The following RNASEH1 variants were observed in gnomAD, a reference collection of about 807,000 sequenced individuals.
RNASEH1 encodes the protein ribonuclease H1, also known as ribonuclease H type II.
Under a neutral mutation model 34.6 loss-of-function variants are expected in RNASEH1, and 27 were observed. The ratio of observed to expected loss-of-function variants is 0.78; its 90% CI spans 0.58 to 1.08. The LOEUF is 1.08. Among genes scored for constraint, RNASEH1 ranks in the 50% least tolerant of loss-of-function variants. RNASEH1 has a pLI of 0.00. For missense variants in RNASEH1, 349 were observed against 373.6 expected (o/e 0.93, Z 0.54); for synonymous variants, 162 against 138.4 (o/e 1.17, Z -1.20).
chr2:3,552,449 A>T (rs1660043168), intron 2 of RNASEH1, 141 bp from the exon 3 acceptor site: 1 of 761,578 alleles, frequency 1.3e-6, no homozygotes. Flanking sequence ...ACAACGAGGG[A>T]AACGAGGGAA....
chr2:3,548,694 T>C lies in RNASEH1; in HGVS notation c.595A>G (p.Thr199Ala). 2 of 1,613,286 alleles carry C rather than the reference T, an allele frequency of 1.2e-6. No homozygotes were observed. The highest frequency in any genetic ancestry group is 1.7e-6 in the Non-Finnish European group (2 of 1,179,284). Reference protein sequence around the residue: ...AACKAIEQAKTQNINKLVLYT... With the variant: ...AACKAIEQAKAQNINKLVLYT... The stretch of plus-strand genomic sequence containing the variant: ...AGAACCAGTTTATTGATGTTTTGAG[T>C]CTTTGCTTGTTCAATGGCTTTGCAG... The change falls in exon 6 of 8, where the codon ACT (threonine) becomes GCT (alanine). Residue 199 changes from threonine (T) to alanine (A), a missense_variant. Physicochemically the swap from Thr to Ala is moderately conservative, Grantham distance 58. Coordinates refer to ENST00000315212, the MANE Select transcript of RNASEH1 (RefSeq NM_002936.6).
intron 2 of RNASEH1, among the ~76,000 whole-genome samples, chr2:3,555,504 C>T (rs914294109): frequency 2.0e-5 from 3 of 152,188 alleles, no homozygotes; most frequent in African/African-American, 7.2e-5. Context: ...ACTAACTCTT[C>T]AGGGATCCAT....
chr2:3,547,070 A>G (rs146934544), intron 7 of RNASEH1, among the ~76,000 whole-genome samples: 2,537 of 152,316 alleles, frequency 0.017, 42 homozygotes, highest in South Asian at 0.06. Context: ...TTGCAATGAG[A>G]TCACGCCATA....
intron 1 of RNASEH1, among the ~76,000 whole-genome samples, chr2:3,557,207 CTATTT>C (rs1439626331): frequency 6.6e-6 from 1 of 152,072 alleles, no homozygotes; most frequent in Non-Finnish European, 1.5e-5. Flanking sequence ...AAACTGTATT[CTATTT>C]TAATTTTTTC....
At chr2:3,532,273 T>C in the RNASEH1 span, 3 of 702,150 alleles carry the variant, frequency 4.3e-6, no homozygotes, top group Non-Finnish European at 7.8e-6. Context: ...CTCCTCCCGT[T>C]TGACAAAGAA....
rs1038682429 is a variant in RNASEH1 at position 3,541,960 on chromosome 2, C to T, written c.*3825G>A. Among the ~76,000 whole-genome samples the T allele has an allele frequency of 7.9e-5, 12 of 152,140 alleles. No individual in the cohort carries two copies. The highest frequency in any genetic ancestry group is 2.0e-4 in the Admixed American group (3 of 15,268). On this transcript the variant is annotated 3_prime_UTR_variant, in exon 8 of 8. Coordinates refer to ENST00000315212, the MANE Select transcript of RNASEH1 (RefSeq NM_002936.6). ...TTGAGGCCAGGAGTTTAAGACCAGC[C>T]TGGGCAACACAGTGAGACACTGTTC...
chr2:3,552,462 A>T (rs1289575382), intron 2 of RNASEH1, among the ~76,000 whole-genome samples, 154 bp from the exon 3 acceptor site: 1 of 146,234 alleles, frequency 6.8e-6, no homozygotes, highest in East Asian at 2.1e-4. Flanking sequence ...CGAGGGAATG[A>T]CCCCCTCCAC....
chr2:3,557,447 A>C (rs913614198), intron 1 of RNASEH1, among the ~76,000 whole-genome samples: 7 of 152,344 alleles, frequency 4.6e-5, no homozygotes, highest in East Asian at 1.9e-4. Context: ...AAAAATATTA[A>C]CCATTTCTTT....
chr2:3,535,415 A>C, the RNASEH1 span, among the ~76,000 whole-genome samples: 1 of 145,562 alleles, frequency 6.9e-6, no homozygotes, highest in South Asian at 2.2e-4. Flanking sequence ...TGACAGAGTG[A>C]GACTATCCTG....
At position 3,545,121 on chromosome 2, in the gene RNASEH1, CG is replaced by C. The variant is rs1293999414; in HGVS notation, c.*663del. 6.8e-6 allele frequency: 1 copy of C among 148,014 alleles called. No individual in the cohort carries two copies. Among genetic ancestry groups the C allele is most frequent in the Non-Finnish European group, 1.5e-5 (1 of 67,368 alleles). 9.2% of individuals were successfully genotyped at this position (148,014 alleles called of 1,614,324 possible). On this transcript the variant is annotated 3_prime_UTR_variant, in exon 8 of 8. Transcript: ENST00000315212. ...TTTTTTTAATTTGCACAGTTTTTAACGAAAGAGCCAAATAAATTTTTGAAAG... is the reference window on the plus strand; with the variant it reads ...TTTTTTTAATTTGCACAGTTTTTAACAAAGAGCCAAATAAATTTTTGAAAG...
chr2:3,542,730 T>C lies in RNASEH1; in HGVS notation c.*3055A>G, dbSNP rs567238359. On this transcript the variant is annotated 3_prime_UTR_variant, in exon 8 of 8. Coordinates refer to ENST00000315212, the MANE Select transcript of RNASEH1 (RefSeq NM_002936.6). ...TTAAGGGATGGATATTCCATGCCAT[T>C]GTCCTGTGTCTTGAGAAGCAGGATT... Among the ~76,000 whole-genome samples the C allele has an allele frequency of 2.5e-4, 38 of 152,336 alleles. No individual in the cohort carries two copies. The highest frequency in any genetic ancestry group is 8.9e-4 in the African/African-American group (37 of 41,582).
chr2:3,539,365 T>C (rs1182017755), downstream of RNASEH1, among the ~76,000 whole-genome samples: 1 of 152,210 alleles, frequency 6.6e-6, no homozygotes, highest in Non-Finnish European at 1.5e-5. Context: ...CCTACCACCA[T>C]ATACTGGCGG....
Position 3,542,543 on chromosome 2 carries a change from G to C in RNASEH1, c.*3242C>G, listed in dbSNP as rs1391530569. 2.0e-5 allele frequency among the ~76,000 whole-genome samples: 3 copies of C among 152,196 alleles called. No individual in the cohort carries two copies. The highest frequency in any genetic ancestry group is 4.4e-5 in the Non-Finnish European group (3 of 68,036). On this transcript the variant is annotated 3_prime_UTR_variant, in exon 8 of 8. Coordinates refer to ENST00000315212, the MANE Select transcript of RNASEH1 (RefSeq NM_002936.6). ...CCAAGATGACACTGACTATAGACTG[G>C]TTATGAGACCTGAACACACAGAAAT...
At position 3,558,308 on chromosome 2, in the gene RNASEH1, G is replaced by C. The variant is rs751743469; in HGVS notation, c.-48C>G. On this transcript the variant is annotated 5_prime_UTR_variant, in exon 1 of 8. Transcript: ENST00000315212. ...GCATTTCGACTCCCGGCCCAGCGTGGGCGCGAGCCGCCGGCGCTCAACACC... is the reference window on the plus strand; with the variant it reads ...GCATTTCGACTCCCGGCCCAGCGTGCGCGCGAGCCGCCGGCGCTCAACACC... The C allele has an allele frequency of 6.8e-7, 1 of 1,481,070 alleles. No homozygotes were observed. The highest frequency in any genetic ancestry group is 1.5e-5 in the African/African-American group (1 of 68,722). 91.7% of individuals were successfully genotyped at this position (1,481,070 alleles called of 1,614,324 possible).
At chr2:3,554,700 T>C (rs752246473) in intron 2 of RNASEH1, among the ~76,000 whole-genome samples, 14 of 152,212 alleles carry the variant, frequency 9.2e-5, no homozygotes, top group African/African-American at 1.4e-4. Context: ...ATACTTATAT[T>C]GGAAGACTTG....
In RNASEH1 at chr2:3,544,560, G is replaced by T. The variant is rs567720068; in HGVS notation, c.*1225C>A. Reference sequence around the variant, plus strand: ...CAGGATTACTTGTTGGGGCAAGGAGGGGGAGAAGAAGAGGGCTGTGGCTGG... The same window carrying T: ...CAGGATTACTTGTTGGGGCAAGGAGTGGGAGAAGAAGAGGGCTGTGGCTGG... On this transcript the variant is annotated 3_prime_UTR_variant, in exon 8 of 8. Transcript: ENST00000315212. Among the ~76,000 whole-genome samples, 1 of 152,176 alleles carries T rather than the reference G, an allele frequency of 6.6e-6. No individual in the cohort carries two copies. The highest frequency in any genetic ancestry group is 1.5e-5 in the Non-Finnish European group (1 of 68,026).
rs928237062 is a variant in RNASEH1, at chr2:3,545,743, A to T, written c.*42T>A. On this transcript the variant is annotated 3_prime_UTR_variant, in exon 8 of 8. Coordinates refer to ENST00000315212, the MANE Select transcript of RNASEH1 (RefSeq NM_002936.6). ...CACCAGTAAGTACAGGCAGCAAGACAGCCGCTGGCTCAAGTTCTCCCAAGG... is the reference window on the plus strand; with the variant it reads ...CACCAGTAAGTACAGGCAGCAAGACTGCCGCTGGCTCAAGTTCTCCCAAGG... 7.2e-7 allele frequency: 1 copy of T among 1,387,712 alleles called. No homozygotes were observed. The highest frequency in any genetic ancestry group is 1.0e-6 in the Non-Finnish European group (1 of 973,450). The allele number at this position is 1,387,712 out of a possible 1,614,324, so 86.0% of individuals were successfully genotyped here.
At chr2:3,553,108 C>T (rs568493960) in intron 2 of RNASEH1, among the ~76,000 whole-genome samples, 57 of 151,936 alleles carry the variant, frequency 3.8e-4, no homozygotes, top group African/African-American at 1.3e-3. Context: ...ATTAGCCAGG[C>T]GTGATGGCGG....
intron 2 of RNASEH1, among the ~76,000 whole-genome samples, chr2:3,556,523 A>G (rs563616366): frequency 1.3e-5 from 2 of 152,010 alleles, no homozygotes; most frequent in South Asian, 4.1e-4. Flanking sequence ...CAGGCTGGAC[A>G]AGTATTTTTT....
Sources: gnomAD v4.1 joint callset for allele counts (sites outside exome capture counted in the v4.1 genomes callset) on GRCh38, gnomAD v4.1.1 for gene constraint, MANE v1.5 for transcripts, NCBI Gene and HGNC (gene_info 2026-07-23, HGNC 2026-07-21) for gene names.